MEMO1: variants seen among roughly 807,000 people sequenced by gnomAD.
MEMO1 encodes protein MEMO1.
In MEMO1, 6 loss-of-function variants were observed where a neutral mutation model predicts 45.2. The ratio of observed to expected loss-of-function variants is 0.13; its 90% confidence interval spans 0.07 to 0.26. The LOEUF is 0.26. MEMO1 is among the 10% of genes least tolerant of loss of function. MEMO1 has a pLI of 1.00. For missense variants in MEMO1, 184 were observed against 370.5 expected (o/e 0.50, Z 4.13); for synonymous variants, 78 against 124.3 (o/e 0.63, Z 2.48).
intron 8 of MEMO1, among the ~76,000 whole-genome samples, chr2:31,879,497 G>A (rs1322316960): frequency 2.6e-5 from 4 of 152,064 alleles, no homozygotes; most frequent in African/African-American, 9.7e-5. Flanking sequence ...ATTTCAAAAT[G>A]TTTATCTCCA....
chr2:31,988,073 T>C (rs981833954), intron 2 of MEMO1, among the ~76,000 whole-genome samples: 2 of 152,146 alleles, frequency 1.3e-5, no homozygotes, highest in South Asian at 2.1e-4. Context: ...CAAGATTAAG[T>C]TGGTAAGAGT....
At chr2:31,874,615 G>A (rs966882077) in intron 8 of MEMO1, among the ~76,000 whole-genome samples, 2 of 151,826 alleles carry the variant, frequency 1.3e-5, no homozygotes, top group Non-Finnish European at 2.9e-5. Context: ...TAATTAACAT[G>A]CTAATTTTGA....
intron 2 of MEMO1, among the ~76,000 whole-genome samples, chr2:31,949,377 T>G (rs1213334370): frequency 6.6e-6 from 1 of 151,992 alleles, no homozygotes; most frequent in South Asian, 2.1e-4. Context: ...CATCAACAGA[T>G]GAATGGATAA....
Position 32,010,924 on chromosome 2 carries a change from G to C in MEMO1, c.-18+18C>G, listed in dbSNP as rs1367280484. 1 of 152,406 alleles carries C rather than the reference G, an allele frequency of 6.6e-6. No individual in the cohort carries two copies. The highest frequency in any genetic ancestry group is 1.5e-5 in the Non-Finnish European group (1 of 68,168). The allele number at this position is 152,406 out of a possible 1,614,324, so 9.4% of individuals were successfully genotyped here. On this transcript the variant is annotated intron_variant, in intron 1 of 9. Coordinates refer to ENST00000404530, the MANE Select transcript of MEMO1 (RefSeq NM_001301833.4). The stretch of plus-strand genomic sequence containing the variant: ...AACCGGGGAAGGCAGACCCGGAGAA[G>C]AGCCAACGCTTCCTTACTCGCCACT...
chr2:31,932,766 T>C (rs1320716044), intron 3 of MEMO1, among the ~76,000 whole-genome samples: 1 of 152,150 alleles, frequency 6.6e-6, no homozygotes, highest in Non-Finnish European at 1.5e-5. Flanking sequence ...TCCTCTTCAG[T>C]AGCATTAGCA....
chr2:32,001,032 AT>A (rs66617379), intron 2 of MEMO1, among the ~76,000 whole-genome samples: 14,140 of 104,446 alleles, frequency 0.14, 447 homozygotes, highest in Middle Eastern at 0.24. Flanking sequence ...ATAAATTTTG[AT>A]TTTTTTTTTT....
chr2:32,004,939 A>C (rs1673865808), intron 2 of MEMO1, among the ~76,000 whole-genome samples: 2 of 151,952 alleles, frequency 1.3e-5, no homozygotes, highest in Non-Finnish European at 1.5e-5. Flanking sequence ...AAAAAAAAAA[A>C]AACTTACCAT....
At position 31,972,614 on chromosome 2, in the gene MEMO1, G is replaced by A. The variant is rs1318680404; in HGVS notation, c.62-29231C>T. On this transcript the variant is annotated intron_variant, in intron 2 of 9. Coordinates refer to ENST00000404530, the MANE Select transcript of MEMO1 (RefSeq NM_001301833.4). Reference sequence around the variant, plus strand: ...TAGTCCCAGCTACTCAGGAGGCTGAGACAGGAGAATTGCTTGAGCCCAGGA... The same window carrying A: ...TAGTCCCAGCTACTCAGGAGGCTGAAACAGGAGAATTGCTTGAGCCCAGGA... 1.3e-5 allele frequency among the ~76,000 whole-genome samples: 2 copies of A among 152,134 alleles called. 1 individual carries two copies. The highest frequency in any genetic ancestry group is 4.1e-4 in the South Asian group (2 of 4,828).
At chr2:31,878,354 T>G (rs1459824229) in intron 8 of MEMO1, among the ~76,000 whole-genome samples, 1 of 152,130 alleles carries the variant, frequency 6.6e-6, no homozygotes, top group African/African-American at 2.4e-5. Context: ...TTACAGGAGA[T>G]ATGGGGCAGA....
intron 2 of MEMO1, chr2:31,963,409 C>A: frequency 1.1e-6 from 1 of 932,868 alleles, no homozygotes; most frequent in Non-Finnish European, 1.4e-6. Flanking sequence ...GCAAGGAAAG[C>A]TAAAATATCT....
intron 2 of MEMO1, among the ~76,000 whole-genome samples, chr2:31,991,525 C>A (rs113324149): frequency 6.7e-6 from 1 of 148,824 alleles, no homozygotes; most frequent in African/African-American, 2.5e-5. Context: ...GAGCCAAGAT[C>A]GCCCCATTGT....
chr2:31,931,962 G>C (rs1252254606), intron 4 of MEMO1, 105 bp downstream of exon 4: 3 of 911,882 alleles, frequency 3.3e-6, no homozygotes, highest in Non-Finnish European at 5.1e-6. Context: ...AATCCCTCAT[G>C]AAATTGAGTA....
chr2:31,902,760 T>G lies in MEMO1; in HGVS notation c.438-10626A>C, dbSNP rs185280099. ...TTTGTTTGTTTGTTTGTTTTGTTTT[T>G]TTTTGTTTAGACACAGGATCTTGCT... On this transcript the variant is annotated intron_variant, in intron 6 of 9. Transcript: ENST00000404530. 5.4e-3 allele frequency among the ~76,000 whole-genome samples: 825 copies of G among 152,234 alleles called. 4 individuals carry two copies. The highest frequency in any genetic ancestry group is 8.0e-3 in the Non-Finnish European group (546 of 68,012).
intron 6 of MEMO1, among the ~76,000 whole-genome samples, chr2:31,917,540 A>G (rs1681645149): frequency 6.6e-6 from 1 of 152,158 alleles, no homozygotes; most frequent in South Asian, 2.1e-4. Context: ...GAAATAAATG[A>G]CCTCCAACAT....
At chr2:31,994,989 GGAGGGAGGGAGA>G (rs1672411465) in intron 2 of MEMO1, among the ~76,000 whole-genome samples, 2 of 150,540 alleles carry the variant, frequency 1.3e-5, no homozygotes, top group Admixed American at 1.3e-4. Context: ...AGGGAGGAAG[GGAGGGAGGGAGA>G]GAGGGAGGGA....
chr2:32,003,746 G>A (rs1479693258), intron 2 of MEMO1, among the ~76,000 whole-genome samples: 1 of 152,124 alleles, frequency 6.6e-6, no homozygotes, highest in African/African-American at 2.4e-5. Flanking sequence ...CTGATAAACT[G>A]GACTTCTTTA....
intron 6 of MEMO1, among the ~76,000 whole-genome samples, chr2:31,906,136 A>AT (rs1405620992): frequency 6.6e-6 from 1 of 150,678 alleles, no homozygotes; most frequent in Non-Finnish European, 1.5e-5. Context: ...CACCTGGCTA[A>AT]TTTTTTTGTA....
chr2:31,995,815 C>A (rs1672525976), intron 2 of MEMO1, among the ~76,000 whole-genome samples: 1 of 151,982 alleles, frequency 6.6e-6, no homozygotes, highest in African/African-American at 2.4e-5. Context: ...AAATTCAAAA[C>A]TATTCAAAGG....
chr2:31,956,277 G>A (rs1667401575), intron 2 of MEMO1, among the ~76,000 whole-genome samples: 1 of 151,596 alleles, frequency 6.6e-6, no homozygotes, highest in African/African-American at 2.4e-5. Flanking sequence ...CTGCCTGACT[G>A]GAAAGAATCA....
Sources: allele counts gnomAD v4.1 joint callset (sites outside exome capture counted in the v4.1 genomes callset), GRCh38; gene constraint gnomAD v4.1.1; transcripts MANE v1.5; gene names NCBI Gene and HGNC (gene_info 2026-07-23, HGNC 2026-07-21).